EYS: variants seen among roughly 807,000 people sequenced by gnomAD.
EYS encodes protein eyes shut homolog.
Under a neutral mutation model 282.1 loss-of-function variants are expected in EYS, and 250 were observed. That is an observed-to-expected ratio of 0.89 (90% confidence interval 0.80 to 0.98). The LOEUF (loss-of-function observed/expected upper bound fraction) is 0.98, where lower values mean the gene tolerates loss of function less well. EYS is among the 50% of genes least tolerant of loss of function. EYS has a pLI of 0.00. For synonymous variants in EYS, 1,355 were observed against 1,282.9 expected (o/e 1.06, Z -1.20); for missense variants, 4,016 against 3,709.0 (o/e 1.08, Z -2.15).
At chr6:65,599,879 T>C (rs1433773586) in intron 2 of EYS, among the ~76,000 whole-genome samples, 1 of 152,068 alleles carries the variant, frequency 6.6e-6, no homozygotes, top group Non-Finnish European at 1.5e-5. Context: ...TTGAGTGCTA[T>C]GTCCTCAGAT....
At chr6:64,617,315 TTAAC>T in intron 24 of EYS, 99 bp downstream of exon 24, 1 of 760,796 alleles carries the variant, frequency 1.3e-6, no homozygotes, top group Non-Finnish European at 2.3e-6. Flanking sequence ...GCGCTGAAGA[TTAAC>T]TACTCCGACC....
intron 29 of EYS, among the ~76,000 whole-genome samples, chr6:64,331,140 A>G (rs1224767878): frequency 3.3e-5 from 5 of 152,168 alleles, no homozygotes; most frequent in African/African-American, 1.2e-4. Context: ...AATAGCTCTC[A>G]CTAGAACGTT....
At chr6:63,941,260 C>T (rs183388429) in intron 35 of EYS, among the ~76,000 whole-genome samples, 1 of 152,224 alleles carries the variant, frequency 6.6e-6, no homozygotes, top group Non-Finnish European at 1.5e-5. Context: ...AATCACCACA[C>T]TGACTTCCAC....
chr6:65,090,487 A>G (rs1196671954), intron 12 of EYS, among the ~76,000 whole-genome samples: 1 of 152,120 alleles, frequency 6.6e-6, no homozygotes, highest in African/African-American at 2.4e-5. Flanking sequence ...TAATACACTC[A>G]CCAAATACAG....
At chr6:64,913,653 A>G (rs187005454) in intron 15 of EYS, among the ~76,000 whole-genome samples, 4 of 152,152 alleles carry the variant, frequency 2.6e-5, no homozygotes, top group South Asian at 4.1e-4. Context: ...TATCCAGTCC[A>G]CCGTTGATAG....
chr6:64,650,431 CAA>C (rs1183056887), intron 22 of EYS, among the ~76,000 whole-genome samples: 1 of 151,770 alleles, frequency 6.6e-6, no homozygotes, highest in Non-Finnish European at 1.5e-5. Context: ...TGACTAAAAA[CAA>C]AGAGAAACCC....
At chr6:64,277,736 C>T (rs1041573420) in intron 30 of EYS, among the ~76,000 whole-genome samples, 2 of 152,066 alleles carry the variant, frequency 1.3e-5, no homozygotes, top group African/African-American at 4.8e-5. Context: ...ATGTAAATAA[C>T]TAAAAATTTG....
chr6:65,172,780 C>T (rs970328024), intron 12 of EYS, among the ~76,000 whole-genome samples: 2 of 151,080 alleles, frequency 1.3e-5, no homozygotes, highest in Non-Finnish European at 3.0e-5. Flanking sequence ...ATATTAATAT[C>T]ACGTCAAATA....
chr6:65,377,115 T>C (rs1765398912), intron 8 of EYS, among the ~76,000 whole-genome samples: 1 of 152,112 alleles, frequency 6.6e-6, no homozygotes, highest in African/African-American at 2.4e-5. Flanking sequence ...ATCAACCACA[T>C]AATTGGAAGT....
At chr6:65,706,719 CA>C (rs1197998666) in intron 1 of EYS, among the ~76,000 whole-genome samples, 1 of 152,034 alleles carries the variant, frequency 6.6e-6, no homozygotes, top group Admixed American at 6.6e-5. Context: ...CTTTTCTAAA[CA>C]AACTGAAAAA....
chr6:63,869,492 C>CT (rs1369549993), intron 35 of EYS, among the ~76,000 whole-genome samples: 3 of 152,150 alleles, frequency 2.0e-5, no homozygotes, highest in African/African-American at 7.2e-5. Flanking sequence ...AAAGAGATAT[C>CT]TTTTCCATAT....
intron 12 of EYS, among the ~76,000 whole-genome samples, chr6:65,223,754 C>G (rs1423954226): frequency 6.6e-6 from 1 of 152,086 alleles, no homozygotes; most frequent in Non-Finnish European, 1.5e-5. Context: ...AAGTAGCAGA[C>G]AGATGAAAAA....
chr6:64,054,060 A>G (rs1479085100), intron 33 of EYS, among the ~76,000 whole-genome samples: 1 of 152,158 alleles, frequency 6.6e-6, no homozygotes, highest in Non-Finnish European at 1.5e-5. Flanking sequence ...GTGTTGATTT[A>G]GTTTCACATG....
At chr6:64,862,537 T>C (rs569196582) in intron 19 of EYS, among the ~76,000 whole-genome samples, 1 of 152,300 alleles carries the variant, frequency 6.6e-6, no homozygotes, top group South Asian at 2.1e-4. Context: ...CATATTATCT[T>C]TTGTTTCCCC....
chr6:65,240,562 T>C (rs1767032787), intron 12 of EYS, among the ~76,000 whole-genome samples: 1 of 152,148 alleles, frequency 6.6e-6, no homozygotes, highest in Non-Finnish European at 1.5e-5. Context: ...TGCTGTTAAT[T>C]ACCTTAAGAC....
intron 31 of EYS, among the ~76,000 whole-genome samples, chr6:64,172,530 A>C (rs1171689440): frequency 6.6e-6 from 1 of 152,214 alleles, no homozygotes; most frequent in Non-Finnish European, 1.5e-5. Context: ...CTGGAAAAAA[A>C]TAAAAACATA....
chr6:64,507,694 C>G (rs1179633045), intron 26 of EYS, among the ~76,000 whole-genome samples: 1 of 151,988 alleles, frequency 6.6e-6, no homozygotes, highest in Non-Finnish European at 1.5e-5. Context: ...TCGGGAAAAA[C>G]AAATATTTGG....
At chr6:64,885,301 A>G (rs1488104616) in intron 19 of EYS, among the ~76,000 whole-genome samples, 3 of 151,762 alleles carry the variant, frequency 2.0e-5, no homozygotes, top group Non-Finnish European at 4.4e-5. Context: ...AACAATGCTA[A>G]GTACCATATT....
intron 35 of EYS, among the ~76,000 whole-genome samples, chr6:63,975,587 G>T (rs1365203063): frequency 6.6e-6 from 1 of 151,730 alleles, no homozygotes; most frequent in Non-Finnish European, 1.5e-5. Context: ...GTACTTTTTT[G>T]CTTATCACAA....
Sources: allele counts gnomAD v4.1 joint callset (sites outside exome capture counted in the v4.1 genomes callset), GRCh38; gene constraint gnomAD v4.1.1; transcripts MANE v1.5; gene names NCBI Gene and HGNC (gene_info 2026-07-23, HGNC 2026-07-21).